ATP5PO: variants seen among roughly 807,000 people sequenced by gnomAD.
ATP5PO encodes the protein ATP synthase peripheral stalk subunit OSCP, mitochondrial.
ATP5PO carries 14 observed loss-of-function variants against 26.2 expected under a neutral mutation model. The observed-to-expected ratio is 0.53, with a 90% CI of 0.35 to 0.83. The LOEUF is 0.83. Among genes scored for constraint, ATP5PO ranks in the 40% least tolerant of loss-of-function variants. ATP5PO has a pLI of 0.01. For synonymous variants in ATP5PO, 106 were observed against 95.1 expected (o/e 1.12, Z -0.67); for missense variants, 241 against 258.5 (o/e 0.93, Z 0.46).
intron 5 of ATP5PO, among the ~76,000 whole-genome samples, chr21:33,905,757 A>C (rs1987160902): frequency 6.6e-6 from 1 of 151,848 alleles, no homozygotes. Context: ...TACTAAAAAT[A>C]CACTAAATTA....
chr21:33,904,103 C>T, intron 5 of ATP5PO, 82 bp from the exon 6 acceptor site: 1 of 1,219,292 alleles, frequency 8.2e-7, no homozygotes, highest in South Asian at 1.4e-5. Context: ...CCCACATCAC[C>T]AAGACAGGCC....
Position 33,907,376 on chromosome 21 carries a change from G to A in ATP5PO, c.406C>T (p.Arg136Cys), listed in dbSNP as rs767329334. Residue 136 changes from arginine (R) to cysteine (C), a missense_variant, in exon 5 of 7, where the codon CGC becomes TGC. This residue lies in a region of ATP5PO where 39 missense variants were observed against 75.5 expected (regional missense o/e 0.52). Coordinates refer to ENST00000290299, the MANE Select transcript of ATP5PO (RefSeq NM_001697.3). ...SAFSTMMSVH[R>C]GEVPCTVTSA... ...GTCACTGTGCAAGGTACCTCTCCGC[G>A]ATGGACACTCATCATGGTAGAAAAG... 11 of 1,610,460 alleles carry A rather than the reference G, an allele frequency of 6.8e-6. No individual in the cohort carries two copies. Among genetic ancestry groups the A allele is most frequent in the East Asian group, 4.5e-5 (2 of 44,584 alleles).
intron 5 of ATP5PO, among the ~76,000 whole-genome samples, chr21:33,904,415 A>C (rs554375557): frequency 5.1e-4 from 78 of 152,332 alleles, no homozygotes; most frequent in Admixed American, 1.2e-3. Context: ...CCCTGGGGAC[A>C]CGACATGCAT....
Position 33,915,739 on chromosome 21 carries a change from G to C in ATP5PO, c.25C>G (p.Leu9Val), listed in dbSNP as rs756841691. 3.0e-5 allele frequency: 48 copies of C among 1,576,646 alleles called. No homozygotes were observed. The highest frequency in any genetic ancestry group is 2.0e-5 in the Non-Finnish European group (23 of 1,161,250). MAAPAVSGLSRQVRCFSTS... is the reference protein window; with the variant it reads MAAPAVSGVSRQVRCFSTS... ...CACCTTTCTCTCACCTGCCGGGAGA[G>C]CCCGGACACTGCTGGGGCAGCCATC... Residue 9 changes from leucine to valine, a missense_variant, in exon 1 of 7, where the codon CTC becomes GTC. Physicochemically the swap from Leu to Val is conservative, Grantham distance 32 (BLOSUM62 1). This residue lies in a region of ATP5PO where 125 missense variants were observed against 108.5 expected (regional missense o/e 1.15). Coordinates refer to ENST00000290299, the MANE Select transcript of ATP5PO (RefSeq NM_001697.3).
intron 5 of ATP5PO, chr21:33,906,637 A>G (rs1005819008): frequency 2.2e-6 from 1 of 455,612 alleles, no homozygotes; most frequent in African/African-American, 2.0e-5. Context: ...AAAAGATACA[A>G]AGGCCCAACG....
In ATP5PO at chr21:33,905,718, G is replaced by C. The variant is rs551256563; in HGVS notation, c.441+1623C>G. Among the ~76,000 whole-genome samples the C allele has an allele frequency of 3.9e-5, 6 of 152,160 alleles. No homozygotes were observed. In the East Asian group the frequency reaches 9.7e-4, roughly 24 times the overall value. On this transcript the variant is annotated intron_variant, in intron 5 of 6. Coordinates refer to ENST00000290299, the MANE Select transcript of ATP5PO (RefSeq NM_001697.3). ...GGCTGAAGTCAGGAGTTCGAGACCA[G>C]CCTGGCCAACATGGTGAAACTCCAT...
intron 5 of ATP5PO, 74 bp from the exon 6 acceptor site, chr21:33,904,095 C>T (rs1346344141): frequency 2.2e-6 from 3 of 1,336,850 alleles, no homozygotes; most frequent in Non-Finnish European, 3.1e-6. Context: ...ACCCCAGGCC[C>T]ACATCACCAA....
At chr21:33,907,070 C>T in intron 5 of ATP5PO, 2 of 445,050 alleles carry the variant, frequency 4.5e-6, no homozygotes, top group East Asian at 8.8e-5. Context: ...ATAATAGAGT[C>T]TAAACCACTC....
intron 1 of ATP5PO, 54 bp from the exon 2 acceptor site, chr21:33,914,554 C>T: frequency 6.5e-7 from 1 of 1,534,816 alleles, no homozygotes; most frequent in South Asian, 1.2e-5. Context: ...AGGATTTCTG[C>T]ATTTAACTCA....
chr21:33,910,509 C>T (rs1281463375), intron 3 of ATP5PO, among the ~76,000 whole-genome samples: 1 of 152,170 alleles, frequency 6.6e-6, no homozygotes, highest in Non-Finnish European at 1.5e-5. Flanking sequence ...AATTGCCTCC[C>T]TTTTTCTCCA....
intron 4 of ATP5PO, among the ~76,000 whole-genome samples, chr21:33,908,398 G>C (rs1569366682): frequency 6.6e-6 from 1 of 151,992 alleles, no homozygotes; most frequent in Non-Finnish European, 1.5e-5. Flanking sequence ...TTTATTTTGA[G>C]CTGGCTATGA....
At chr21:33,912,210 C>T in intron 3 of ATP5PO, 79 bp downstream of exon 3, 1 of 1,242,774 alleles carries the variant, frequency 8.0e-7, no homozygotes. Context: ...GGATACACCT[C>T]ATTAGGAATG....
chr21:33,910,525 C>T (rs116165269), intron 3 of ATP5PO, among the ~76,000 whole-genome samples: 1,565 of 152,212 alleles, frequency 0.01, 31 homozygotes, highest in African/African-American at 0.035. Context: ...CTCCATGTCT[C>T]GACTGACTTC....
intron 5 of ATP5PO, 196 bp downstream of exon 5, chr21:33,907,145 G>A (rs1183254793): frequency 1.8e-6 from 1 of 563,586 alleles, no homozygotes; most frequent in African/African-American, 1.9e-5. Flanking sequence ...ACTGGTTACA[G>A]AAGCACTAAT....
intron 5 of ATP5PO, among the ~76,000 whole-genome samples, chr21:33,905,056 T>TA (rs1308736712): frequency 3.9e-5 from 6 of 152,186 alleles, no homozygotes; most frequent in Admixed American, 2.6e-4. Flanking sequence ...GGCCTTTTTT[T>TA]AACTTGTCAT....
chr21:33,909,683 G>A (rs1420090340), intron 3 of ATP5PO, among the ~76,000 whole-genome samples: 1 of 151,824 alleles, frequency 6.6e-6, no homozygotes, highest in African/African-American at 2.4e-5. Context: ...AATACACTGT[G>A]CACTGCACCA....
At chr21:33,906,648 G>A in intron 5 of ATP5PO, 1 of 456,086 alleles carries the variant, frequency 2.2e-6, no homozygotes, top group South Asian at 1.5e-5. Context: ...AGGCCCAACG[G>A]CTCTACTCCT....
At chr21:33,910,406 G>T (rs930151310) in intron 3 of ATP5PO, among the ~76,000 whole-genome samples, 2 of 152,154 alleles carry the variant, frequency 1.3e-5, no homozygotes, top group Non-Finnish European at 2.9e-5. Flanking sequence ...ATGTTTATCT[G>T]TGTCTCCTGC....
At chr21:33,903,715 T>G (rs1774206439) in intron 6 of ATP5PO, 76 bp from the exon 7 acceptor site, 2 of 1,482,474 alleles carry the variant, frequency 1.3e-6, no homozygotes, top group Non-Finnish European at 1.9e-6. Context: ...TTTGAAAGGC[T>G]AAATGTGTTG....
Sources: gnomAD v4.1 joint callset for allele counts (sites outside exome capture counted in the v4.1 genomes callset) on GRCh38, gnomAD v4.1.1 for gene constraint, gnomAD v4.1.1 regional missense constraint, MANE v1.5 for transcripts, NCBI Gene and HGNC (gene_info 2026-07-23, HGNC 2026-07-21) for gene names.